SPATC1L: variants seen among roughly 807,000 people sequenced by gnomAD.
SPATC1L encodes speriolin-like protein.
Under a neutral mutation model 21.2 loss-of-function variants are expected in SPATC1L, and 20 were observed. The observed-to-expected ratio is 0.94, with a 90% CI of 0.66 to 1.37. The LOEUF (loss-of-function observed/expected upper bound fraction) is 1.37. SPATC1L is among the 40% of genes most tolerant of loss of function. SPATC1L has a pLI of 0.00. For synonymous variants in SPATC1L, 290 were observed against 234.5 expected (o/e 1.24, Z -2.16); for missense variants, 499 against 478.7 (o/e 1.04, Z -0.40).
rs577707486 is a variant in SPATC1L at position 46,161,982 on chromosome 21, G to A, written c.630C>T (p.Tyr210=). ...AFQLDRRILA[Y]VFPGVTRLYG... ...AGAGCCGCGTCACGCCCGGGAACAC[G>A]TAGGCCAGGATGCGGCGGTCCAGCT... Residue 210 remains tyrosine, a synonymous_variant, in exon 4 of 5, where the codon TAC becomes TAT. Transcript: ENST00000291672. The A allele has an allele frequency of 4.4e-6, 7 of 1,607,350 alleles. No individual in the cohort carries two copies. In the South Asian group the frequency reaches 6.6e-5, roughly 15 times the overall value.
intron 3 of SPATC1L, among the ~76,000 whole-genome samples, chr21:46,164,838 C>T (rs1301839191): frequency 6.6e-6 from 1 of 151,512 alleles, no homozygotes; most frequent in Non-Finnish European, 1.5e-5. Context: ...CCCATCCCCC[C>T]ACCAAGGCAA....
intron 3 of SPATC1L, among the ~76,000 whole-genome samples, chr21:46,166,732 G>A (rs967230995): frequency 6.6e-6 from 1 of 152,190 alleles, no homozygotes; most frequent in African/African-American, 2.4e-5. Flanking sequence ...GGATATAACA[G>A]TTATAAATAT....
intron 3 of SPATC1L, among the ~76,000 whole-genome samples, chr21:46,164,670 TA>T (rs2079527408): frequency 6.6e-6 from 1 of 151,570 alleles, no homozygotes; most frequent in African/African-American, 2.4e-5. Flanking sequence ...CGGGTGCCTG[TA>T]ATCCCAGCTA....
rs1216268128 is a variant in SPATC1L at position 46,168,480 on chromosome 21, A to G, written c.372T>C (p.His124=). 1.9e-6 allele frequency: 3 copies of G among 1,575,254 alleles called. No homozygotes were observed. Among genetic ancestry groups the G allele is most frequent in the Non-Finnish European group, 8.6e-7 (1 of 1,160,146 alleles). The change falls in exon 3 of 5, where the codon CAT becomes CAC. Residue 124 remains histidine, a synonymous_variant. Coordinates refer to ENST00000291672, the MANE Select transcript of SPATC1L (RefSeq NM_001142854.2). ...FKAFLSPPEP[H]SHRGTDRKLS... ...GCTTCCTGTCGGTGCCTCGGTGGCTATGTGGCTCTGGGGGACTGAGGAAGG... is the reference window on the plus strand; with the variant it reads ...GCTTCCTGTCGGTGCCTCGGTGGCTGTGTGGCTCTGGGGGACTGAGGAAGG...
At position 46,161,283 on chromosome 21, in the gene SPATC1L, G is replaced by A. The variant is rs1015315194; in HGVS notation, c.*96C>T. 1.1e-5 allele frequency: 14 copies of A among 1,229,184 alleles called. No homozygotes were observed. Among genetic ancestry groups the A allele is most frequent in the Admixed American group, 6.4e-5 (2 of 31,254 alleles). The allele number at this position is 1,229,184 out of a possible 1,614,324, so 76.1% of individuals were successfully genotyped here. ...CTCTGGCCTCGCGCGCGGGGGACGCGGCCCTTTCCCCTCCGGGGGGACGCG... is the reference window on the plus strand; with the variant it reads ...CTCTGGCCTCGCGCGCGGGGGACGCAGCCCTTTCCCCTCCGGGGGGACGCG... On this transcript the variant is annotated 3_prime_UTR_variant, in exon 5 of 5. Coordinates refer to ENST00000291672, the MANE Select transcript of SPATC1L (RefSeq NM_001142854.2).
chr21:46,181,570 A>T (rs375471953), intron 2 of SPATC1L, among the ~76,000 whole-genome samples: 2 of 152,182 alleles, frequency 1.3e-5, no homozygotes, highest in Admixed American at 1.3e-4. Context: ...CAGAGTGCAC[A>T]TCTGAGGGTG....
chr21:46,171,789 CT>C (rs987427196), intron 2 of SPATC1L, among the ~76,000 whole-genome samples: 4 of 152,088 alleles, frequency 2.6e-5, no homozygotes, highest in Admixed American at 2.6e-4. Context: ...CCTGGATGGT[CT>C]GTGGGTGAGT....
At chr21:46,175,686 A>G (rs1483840222) in intron 2 of SPATC1L, among the ~76,000 whole-genome samples, 1 of 152,188 alleles carries the variant, frequency 6.6e-6, no homozygotes, top group East Asian at 1.9e-4. Context: ...AACCAAAAAA[A>G]GCCAGGACCA....
At position 46,162,004 on chromosome 21, in the gene SPATC1L, A is replaced by C. The variant is rs1263824605; in HGVS notation, c.608T>G (p.Leu203Arg). The C allele has an allele frequency of 1.2e-6, 2 of 1,602,774 alleles. No homozygotes were observed. Among genetic ancestry groups the C allele is most frequent in the Non-Finnish European group, 1.7e-6 (2 of 1,176,906 alleles). ...ARVVGEIAFQ[L>R]DRRILAYVFP... is the part of the protein sequence containing the mutation. ...CACGTAGGCCAGGATGCGGCGGTCC[A>C]GCTGGAAGGCGATCTCGCCCACCAC... Residue 203 changes from leucine to arginine, a missense_variant, in exon 4 of 5, where the codon CTG becomes CGG. Leu to Arg is a moderately radical substitution (Grantham distance 102). Coordinates refer to ENST00000291672, the MANE Select transcript of SPATC1L (RefSeq NM_001142854.2).
chr21:46,164,106 T>C (rs12329662), intron 3 of SPATC1L, among the ~76,000 whole-genome samples: 16,040 of 152,060 alleles, frequency 0.11, 1,484 homozygotes, highest in African/African-American at 0.25. Context: ...CTTCTGGGCT[T>C]GAGTGATCCT....
At chr21:46,166,030 A>G (rs1243327237) in intron 3 of SPATC1L, among the ~76,000 whole-genome samples, 2 of 152,204 alleles carry the variant, frequency 1.3e-5, no homozygotes, top group African/African-American at 4.8e-5. Flanking sequence ...ATGAGAAAAC[A>G]AATAACAAAA....
chr21:46,174,352 A>C lies in SPATC1L; in HGVS notation c.194-5694T>G, dbSNP rs532330720. ...TGTCTCAAAAAACAAAACAAAAAAA[A>C]AAAAAAAACAGAATGGCAAGCTAGA... On this transcript the variant is annotated intron_variant, in intron 2 of 4. Coordinates refer to ENST00000291672, the MANE Select transcript of SPATC1L (RefSeq NM_001142854.2). Among the ~76,000 whole-genome samples the C allele has an allele frequency of 5.9e-4, 88 of 148,652 alleles. 2 individuals carry two copies. The highest frequency in any genetic ancestry group is 1.9e-3 in the African/African-American group (76 of 40,848).
chr21:46,161,556 G>A lies in SPATC1L; in HGVS notation c.846C>T (p.Tyr282=), dbSNP rs770223525. The A allele has an allele frequency of 9.3e-6, 15 of 1,610,654 alleles. No homozygotes were observed. Among genetic ancestry groups the A allele is most frequent in the South Asian group, 3.3e-5 (3 of 90,846 alleles). Residue 282 remains tyrosine (Y), a synonymous_variant, in exon 5 of 5, where the codon TAC becomes TAT. Coordinates refer to ENST00000291672, the MANE Select transcript of SPATC1L (RefSeq NM_001142854.2). Reference sequence around the variant, plus strand: ...GGTCGGGCCGCTGCTTCAGGATTCCGTAGGTGTTGATGAGGAACTCGCTGA... The same window carrying A: ...GGTCGGGCCGCTGCTTCAGGATTCCATAGGTGTTGATGAGGAACTCGCTGA... ...PAFSEFLINT[Y]GILKQRPDLR... is the part of the protein sequence containing the mutation.
In SPATC1L at chr21:46,161,391, G is replaced by C; in HGVS notation, c.1011C>G (p.Leu337=). 1 of 1,520,616 alleles carries C rather than the reference G, an allele frequency of 6.6e-7. No individual in the cohort carries two copies. Among genetic ancestry groups the C allele is most frequent in the South Asian group, 1.3e-5 (1 of 79,498 alleles). 94.2% of individuals were successfully genotyped at this position (1,520,616 alleles called of 1,614,324 possible). Residue 337 remains leucine (L), a synonymous_variant, in exon 5 of 5, where the codon CTC becomes CTG. Transcript: ENST00000291672. ...GGCGCGGGGCGGCTCACCAGGCGAA[G>C]AGGGGCTTGCCGTCCTCCTTGGAGA... ...CELSKEDGKP[L]FAW
At chr21:46,163,175 ATTGT>A (rs2079515523) in intron 3 of SPATC1L, among the ~76,000 whole-genome samples, 3 of 152,040 alleles carry the variant, frequency 2.0e-5, no homozygotes, top group Non-Finnish European at 4.4e-5. Flanking sequence ...TTTTCATTGG[ATTGT>A]TTGTCTTCTT....
chr21:46,168,826 A>G (rs955088375), intron 2 of SPATC1L, among the ~76,000 whole-genome samples, 168 bp from the exon 3 acceptor site: 1 of 152,066 alleles, frequency 6.6e-6, no homozygotes, highest in Non-Finnish European at 1.5e-5. Flanking sequence ...CCTCAAGTGT[A>G]AAAGGAGGAG....
chr21:46,179,568 T>C (rs2079656803), intron 2 of SPATC1L, among the ~76,000 whole-genome samples: 2 of 152,216 alleles, frequency 1.3e-5, no homozygotes, highest in Admixed American at 1.3e-4. Flanking sequence ...CATTTTAAAG[T>C]ACACCTAACA....
rs760483526 is a variant in SPATC1L, at chr21:46,168,299, C to T, written c.544+9G>A. The T allele has an allele frequency of 1.0e-5, 16 of 1,555,846 alleles. No homozygotes were observed. The highest frequency in any genetic ancestry group is 6.8e-5 in the African/African-American group (5 of 73,600). On this transcript the variant is annotated intron_variant, in intron 3 of 4. Coordinates refer to ENST00000291672, the MANE Select transcript of SPATC1L (RefSeq NM_001142854.2). ...GGGCCCCCCCAGGTGCCCCCGCACC[C>T]GGCCATACCATTGAGGTAGTAGCTC...
intron 2 of SPATC1L, among the ~76,000 whole-genome samples, chr21:46,180,254 G>A (rs774378271): frequency 6.6e-6 from 1 of 152,192 alleles, no homozygotes; most frequent in Non-Finnish European, 1.5e-5. Context: ...GAAATGGATC[G>A]TTAAGGGGGA....
Sources: allele counts gnomAD v4.1 joint callset (sites outside exome capture counted in the v4.1 genomes callset), GRCh38; gene constraint gnomAD v4.1.1; transcripts MANE v1.5; gene names NCBI Gene and HGNC (gene_info 2026-07-23, HGNC 2026-07-21).